Variants in ABCA13 observed in about 807,000 individuals in gnomAD.
ABCA13 encodes the protein ATP-binding cassette sub-family A member 13.
In ABCA13, 476 loss-of-function variants were observed where a neutral mutation model predicts 478.7. That is an observed-to-expected ratio of 0.99 (90% CI 0.92 to 1.07). The LOEUF (loss-of-function observed/expected upper bound fraction) is 1.07, where lower values mean the gene tolerates loss of function less well. Among genes scored for constraint, ABCA13 ranks in the 50% least tolerant of loss-of-function variants. The pLI is 0.00. For synonymous variants in ABCA13, 2,252 were observed against 2,158.9 expected (o/e 1.04, Z -1.20); for missense variants, 6,060 against 5,910.6 (o/e 1.03, Z -0.83).
intron 24 of ABCA13, among the ~76,000 whole-genome samples, chr7:48,311,504 G>T (rs1018661760): frequency 6.6e-6 from 1 of 152,142 alleles, no homozygotes; most frequent in African/African-American, 2.4e-5. Context: ...TTGGCACGAT[G>T]CTACTTTAGT....
intron 58 of ABCA13, among the ~76,000 whole-genome samples, chr7:48,603,438 AG>A (rs1347873169): frequency 1.3e-5 from 2 of 152,176 alleles, no homozygotes; most frequent in South Asian, 2.1e-4. Context: ...TTTAGCATGA[AG>A]GGCTGTTGAA....
rs1832419309 is a variant in ABCA13, at chr7:48,519,938, C to G, written c.13798-103C>G. 4.1e-6 allele frequency: 5 copies of G among 1,225,138 alleles called. No homozygotes were observed. In the East Asian group the frequency reaches 1.3e-4, roughly 32 times the overall value. The allele number at this position is 1,225,138 out of a possible 1,614,324, so 75.9% of individuals were successfully genotyped here. On this transcript the variant is annotated intron_variant, in intron 52 of 61. Transcript: ENST00000435803. ...AGTGAATAGTTGGGATAGGGAAGAC[C>G]TGGAACACAGAGCTAACCAAGGAGA...
At position 48,387,968 on chromosome 7, in the gene ABCA13, G is replaced by A; in HGVS notation, c.11473+9G>A. The A allele has an allele frequency of 6.3e-7, 1 of 1,585,562 alleles. No homozygotes were observed. The highest frequency in any genetic ancestry group is 8.5e-7 in the Non-Finnish European group (1 of 1,171,900). On this transcript the variant is annotated intron_variant, in intron 36 of 61. Coordinates refer to ENST00000435803, the MANE Select transcript of ABCA13 (RefSeq NM_152701.5). ...GAACTTTGACAATAAAGGTTTGTAAGGAGTAGAATTATTAGATGCATGTAT... is the reference window on the plus strand; with the variant it reads ...GAACTTTGACAATAAAGGTTTGTAAAGAGTAGAATTATTAGATGCATGTAT...
intron 38 of ABCA13, among the ~76,000 whole-genome samples, chr7:48,400,515 C>A (rs1036862168): frequency 2.6e-5 from 4 of 152,166 alleles, no homozygotes; most frequent in African/African-American, 9.7e-5. Context: ...TTATTTGCTT[C>A]TTTTTGATAT....
At chr7:48,281,509 C>G (rs1187976315) in intron 19 of ABCA13, 57 bp downstream of exon 19, 1 of 1,447,482 alleles carries the variant, frequency 6.9e-7, no homozygotes, top group African/African-American at 1.4e-5. Context: ...TTTCAGAACT[C>G]AGGTGTCAGA....
chr7:48,330,783 A>G (rs1053801369), intron 27 of ABCA13, among the ~76,000 whole-genome samples: 1 of 152,134 alleles, frequency 6.6e-6, no homozygotes, highest in South Asian at 2.1e-4. Context: ...CCATCCATCT[A>G]TACATTAATC....
intron 55 of ABCA13, among the ~76,000 whole-genome samples, chr7:48,576,417 G>A (rs73694680): frequency 0.034 from 5,211 of 152,226 alleles, 315 homozygotes; most frequent in African/African-American, 0.12. Context: ...TTCTCCATGT[G>A]AAGACAGGGG....
At chr7:48,322,820 C>T (rs144324338) in intron 27 of ABCA13, among the ~76,000 whole-genome samples, 151 of 152,174 alleles carry the variant, frequency 9.9e-4, no homozygotes, top group African/African-American at 3.5e-3. Context: ...TTCCATTGCC[C>T]GAGCCCACAC....
At position 48,403,897 on chromosome 7, in the gene ABCA13, T is replaced by C. The variant is rs753800875; in HGVS notation, c.12070+18T>C. ...CCGAGAAGGTAGGCACTGGGCCTCA[T>C]TCTGCCTTCTCTTCCCACAATATTG... On this transcript the variant is annotated intron_variant, in intron 39 of 61. Coordinates refer to ENST00000435803, the MANE Select transcript of ABCA13 (RefSeq NM_152701.5). 1.9e-6 allele frequency: 3 copies of C among 1,605,670 alleles called. No individual in the cohort carries two copies. In the African/African-American group the frequency reaches 4.0e-5, roughly 21 times the overall value.
chr7:48,434,866 G>A (rs751172726), intron 42 of ABCA13, among the ~76,000 whole-genome samples: 11 of 151,722 alleles, frequency 7.3e-5, no homozygotes, highest in East Asian at 1.9e-4. Context: ...TGGTCTTTAC[G>A]TCTGTTTTTG....
chr7:48,194,002 TAGC>T (rs1797536253), intron 2 of ABCA13, among the ~76,000 whole-genome samples: 2 of 147,260 alleles, frequency 1.4e-5, no homozygotes, highest in African/African-American at 2.5e-5. Flanking sequence ...ATAGTGATGA[TAGC>T]GATGAAATGA....
At chr7:48,536,612 C>T (rs1478291544) in intron 55 of ABCA13, among the ~76,000 whole-genome samples, 1 of 151,090 alleles carries the variant, frequency 6.6e-6, no homozygotes, top group East Asian at 1.9e-4. Flanking sequence ...CACACCACTG[C>T]ACCCCAGCCT....
chr7:48,519,975 T>C lies in ABCA13; in HGVS notation c.13798-66T>C. 4.9e-6 allele frequency: 7 copies of C among 1,442,004 alleles called. No individual in the cohort carries two copies. The South Asian group carries it at 1.1e-4, about 22-fold the overall frequency. The allele number at this position is 1,442,004 out of a possible 1,614,324, so 89.3% of individuals were successfully genotyped here. A position where few individuals can be genotyped will look rare whatever the true frequency, so the allele number is the denominator to read the frequency against. On this transcript the variant is annotated intron_variant, in intron 52 of 61. Transcript: ENST00000435803. ...GCTAACCAAGGAGAAAAAGAAGTTA[T>C]TGGTATATATTATGAAAAGGGGAAT...
At chr7:48,352,033 CCA>C in intron 30 of ABCA13, 146 bp from the exon 31 acceptor site, 1 of 692,590 alleles carries the variant, frequency 1.4e-6, no homozygotes, top group Non-Finnish European at 2.3e-6. Flanking sequence ...GTCAGCTTTG[CCA>C]CTGCGGGCTG....
rs889499735 is a variant in ABCA13, at chr7:48,602,956, G to A, written c.14744+8143G>A. 2.6e-5 allele frequency among the ~76,000 whole-genome samples: 4 copies of A among 152,046 alleles called. No homozygotes were observed. In the East Asian group the frequency reaches 7.7e-4, roughly 29 times the overall value. ...AAGAGGTACTTCACATTCCTTGTAA[G>A]TTGTATTCCTATGAATTTTATTCTC... On this transcript the variant is annotated intron_variant, in intron 58 of 61. Transcript: ENST00000435803.
intron 1 of ABCA13, among the ~76,000 whole-genome samples, chr7:48,184,404 C>A (rs1796092241): frequency 6.6e-6 from 1 of 152,064 alleles, no homozygotes; most frequent in Non-Finnish European, 1.5e-5. Flanking sequence ...TTCTGAAGAA[C>A]AGAGATTTTA....
intron 48 of ABCA13, among the ~76,000 whole-genome samples, chr7:48,493,213 A>G (rs1211198471): frequency 6.6e-6 from 1 of 152,214 alleles, no homozygotes; most frequent in Non-Finnish European, 1.5e-5. Context: ...TAGGTATTCA[A>G]TAAATAGGTC....
At chr7:48,527,131 G>A (rs151209833) in intron 54 of ABCA13, among the ~76,000 whole-genome samples, 187 of 152,230 alleles carry the variant, frequency 1.2e-3, no homozygotes, top group African/African-American at 4.2e-3. Flanking sequence ...TAAAAATGTG[G>A]TTTATAGCTA....
chr7:48,463,205 C>T (rs1310300819), intron 43 of ABCA13, among the ~76,000 whole-genome samples: 2 of 152,082 alleles, frequency 1.3e-5, no homozygotes, highest in African/African-American at 4.8e-5. Flanking sequence ...TTGGGTTTTT[C>T]TCTGGTTGCT....
Sources: allele counts gnomAD v4.1 joint callset (sites outside exome capture counted in the v4.1 genomes callset), GRCh38; gene constraint gnomAD v4.1.1; transcripts MANE v1.5; gene names NCBI Gene and HGNC (gene_info 2026-07-23, HGNC 2026-07-21).